CLPB: variants seen among roughly 807,000 people sequenced by gnomAD.
The protein encoded by CLPB is ClpB family mitochondrial disaggregase.
CLPB carries 40 observed loss-of-function variants against 78.4 expected under a neutral mutation model. That is an observed-to-expected ratio of 0.51 (90% CI 0.40 to 0.66). The LOEUF is 0.66. CLPB is among the 30% of genes least tolerant of loss of function. The probability of loss-of-function intolerance (pLI) is 0.00; values close to 1 mark genes in which losing one functional copy is unlikely to be tolerated. For missense variants in CLPB, 780 were observed against 886.9 expected (o/e 0.88, Z 1.53); for synonymous variants, 333 against 348.0 (o/e 0.96, Z 0.48).
At chr11:72,314,166 C>T (rs936137202) in intron 7 of CLPB, among the ~76,000 whole-genome samples, 3 of 152,136 alleles carry the variant, frequency 2.0e-5, no homozygotes, top group Non-Finnish European at 4.4e-5. Flanking sequence ...ATGGAATATG[C>T]GTCATACTCT....
Position 72,358,905 on chromosome 11 carries a change from G to A in CLPB, c.750C>T (p.Arg250=). 1 of 1,599,550 alleles carries A rather than the reference G, an allele frequency of 6.3e-7. No individual in the cohort carries two copies. Among genetic ancestry groups the A allele is most frequent in the Non-Finnish European group, 8.5e-7 (1 of 1,172,140 alleles). The change falls in exon 5 of 16, where the codon CGC becomes CGT. Residue 250 remains arginine, a synonymous_variant. Coordinates refer to ENST00000538039, the MANE Select transcript of CLPB (RefSeq NM_001258392.3). ...LHYAVLADDY[R]TVKELLDGGA... is the part of the protein sequence containing the mutation. ...CTCCATCAAGCAGCTCCTTGACAGT[G>A]CGGTAGTCATCAGCAAGAACAGCAT...
intron 3 of CLPB, among the ~76,000 whole-genome samples, chr11:72,381,532 T>G (rs1214910045): frequency 6.6e-6 from 1 of 152,108 alleles, no homozygotes; most frequent in Admixed American, 6.5e-5. Context: ...AGGCCCACCT[T>G]GCAGATTCAA....
chr11:72,372,058 T>C (rs1010045194), intron 4 of CLPB, among the ~76,000 whole-genome samples: 5 of 152,216 alleles, frequency 3.3e-5, no homozygotes, highest in Non-Finnish European at 7.3e-5. Context: ...AATAAGCCTA[T>C]GGTGTAGGAA....
chr11:72,369,430 A>G (rs1191277901), intron 4 of CLPB, among the ~76,000 whole-genome samples: 1 of 138,798 alleles, frequency 7.2e-6, no homozygotes, highest in Non-Finnish European at 1.6e-5. Context: ...CCCCACCCCC[A>G]TCCTATCCAA....
intron 5 of CLPB, among the ~76,000 whole-genome samples, chr11:72,356,521 G>A (rs970095733): frequency 4.4e-4 from 67 of 152,272 alleles, no homozygotes; most frequent in African/African-American, 1.3e-3. Flanking sequence ...CCTGAGTGAC[G>A]GCAACTTGTT....
At chr11:72,318,258 G>A (rs533295452) in intron 6 of CLPB, among the ~76,000 whole-genome samples, 1 of 152,318 alleles carries the variant, frequency 6.6e-6, no homozygotes, top group African/African-American at 2.4e-5. Flanking sequence ...TAGATGGGGT[G>A]GTGTAGGAGT....
Position 72,308,603 on chromosome 11 carries a change from C to A in CLPB, c.990G>T (p.Ala330=), listed in dbSNP as rs765172842. ...ACCAGCCATTCTCCTTCCTCCGGAT[C>A]GCTACGGCCAAACACACAAGATCAG... ...QESAIATVGA[A]IRRKENGWYD... The change falls in exon 8 of 16, where the codon GCG becomes GCT. Residue 330 remains alanine (A), a splice_region_variant and synonymous_variant. Transcript: ENST00000538039. 3 of 1,613,894 alleles carry A rather than the reference C, an allele frequency of 1.9e-6. No homozygotes were observed. The highest frequency in any genetic ancestry group is 2.7e-5 in the African/African-American group (2 of 74,928).
intron 3 of CLPB, 90 bp downstream of exon 3, chr11:72,402,876 G>T: frequency 9.8e-7 from 1 of 1,019,488 alleles, no homozygotes; most frequent in Non-Finnish European, 1.5e-6. Flanking sequence ...GGAAAAGACA[G>T]CAGGGAGGCA....
chr11:72,325,706 T>C (rs932367511), intron 6 of CLPB, among the ~76,000 whole-genome samples: 2 of 152,112 alleles, frequency 1.3e-5, no homozygotes, highest in Non-Finnish European at 2.9e-5. Context: ...GGATTGTAAC[T>C]CCTTCAGGGC....
At chr11:72,347,969 A>G (rs1950545852) in intron 5 of CLPB, among the ~76,000 whole-genome samples, 1 of 152,240 alleles carries the variant, frequency 6.6e-6, no homozygotes, top group Non-Finnish European at 1.5e-5. Context: ...GTGGGCAGCC[A>G]CTAGAAGCTG....
intron 1 of CLPB, among the ~76,000 whole-genome samples, chr11:72,431,329 A>G (rs1274328799): frequency 6.6e-6 from 1 of 152,194 alleles, no homozygotes. Context: ...GCCAGCCCTG[A>G]CTCAGGGAAC....
chr11:72,288,786 C>T lies in CLPB; in HGVS notation c.*4581G>A, dbSNP rs1302382266. 6.6e-6 allele frequency: 1 copy of T among 152,200 alleles called. No homozygotes were observed. The highest frequency in any genetic ancestry group is 1.5e-5 in the Non-Finnish European group (1 of 68,074). 9.4% of individuals were successfully genotyped at this position (152,200 alleles called of 1,614,324 possible). A position where few individuals can be genotyped will look rare whatever the true frequency, so the allele number is the denominator to read the frequency against. ...ACATTCTAGTGATGAAGACACAGAA[C>T]AAGTAGGACAAGTGAGCTGAGCCTG... On this transcript the variant is annotated 3_prime_UTR_variant, in exon 16 of 16. Coordinates refer to ENST00000538039, the MANE Select transcript of CLPB (RefSeq NM_001258392.3).
Position 72,302,311 on chromosome 11 carries a change from C to A in CLPB, c.1160G>T (p.Arg387Leu). ...AGGACTGTCATCACTCACCTCGTGTCGCTCCTGGAACTCGGACATGTCCAG... is the reference window on the plus strand; with the variant it reads ...AGGACTGTCATCACTCACCTCGTGTAGCTCCTGGAACTCGGACATGTCCAG... The part of the protein sequence containing the change: ...IRLDMSEFQE[R>L]HEVAKFIGSP... Residue 387 changes from arginine (R) to leucine (L), a missense_variant, in exon 10 of 16, where the codon CGA becomes CTA. Arg to Leu is a moderately radical substitution (Grantham distance 102, BLOSUM62 -2). Around this residue, in one of 3 missense-constraint regions of CLPB, gnomAD observed 91 missense variants for 168.2 expected, o/e 0.54. Transcript: ENST00000538039. 1 of 1,614,062 alleles carries A rather than the reference C, an allele frequency of 6.2e-7. No homozygotes were observed. The highest frequency in any genetic ancestry group is 1.1e-5 in the South Asian group (1 of 91,050).
chr11:72,390,255 T>A (rs926545508), intron 3 of CLPB, among the ~76,000 whole-genome samples: 1 of 151,698 alleles, frequency 6.6e-6, no homozygotes, highest in South Asian at 2.1e-4. Flanking sequence ...CTGGCCAACA[T>A]GGTAAAACCC....
intron 4 of CLPB, among the ~76,000 whole-genome samples, chr11:72,367,010 T>C (rs1024074948): frequency 3.3e-5 from 5 of 152,116 alleles, no homozygotes; most frequent in Non-Finnish European, 4.4e-5. Context: ...AAGGAAAACA[T>C]GGTACTATAC....
chr11:72,427,602 A>G (rs1056821464), intron 2 of CLPB, among the ~76,000 whole-genome samples: 3 of 152,240 alleles, frequency 2.0e-5, no homozygotes, highest in Non-Finnish European at 4.4e-5. Context: ...CTAGATACAT[A>G]AATACTTACC....
At chr11:72,418,405 T>C (rs1856088594) in intron 2 of CLPB, among the ~76,000 whole-genome samples, 1 of 152,200 alleles carries the variant, frequency 6.6e-6, no homozygotes, top group South Asian at 2.1e-4. Flanking sequence ...GTGAGGCAGG[T>C]CAATTATCAT....
chr11:72,357,392 G>A (rs914201639), intron 5 of CLPB, among the ~76,000 whole-genome samples: 1 of 152,168 alleles, frequency 6.6e-6, no homozygotes, highest in Non-Finnish European at 1.5e-5. Context: ...ATAAGTTATA[G>A]AGAAGACCAC....
intron 2 of CLPB, among the ~76,000 whole-genome samples, chr11:72,407,659 T>C (rs1350066602): frequency 6.6e-6 from 1 of 151,734 alleles, no homozygotes; most frequent in African/African-American, 2.4e-5. Context: ...ATTTTTTTTT[T>C]TTTTTGAGAT....
Sources: gnomAD v4.1 joint callset for allele counts (sites outside exome capture counted in the v4.1 genomes callset) on GRCh38, gnomAD v4.1.1 for gene constraint, gnomAD v4.1.1 regional missense constraint, MANE v1.5 for transcripts, NCBI Gene and HGNC (gene_info 2026-07-23, HGNC 2026-07-21) for gene names.